The following KCNB2 variants were observed in gnomAD, a reference collection of about 807,000 sequenced individuals.
KCNB2 encodes the protein delayed rectifier potassium channel protein.
Under a neutral mutation model 61.5 loss-of-function variants are expected in KCNB2, and 15 were observed. The ratio of observed to expected loss-of-function variants is 0.24; its 90% CI spans 0.16 to 0.38. The LOEUF is 0.38. Ranked by LOEUF, KCNB2 falls within the 10% of genes least tolerant of loss-of-function variation. The pLI is 1.00. For missense variants in KCNB2, 828 were observed against 1,125.2 expected, an observed-to-expected ratio of 0.74 and a Z score of 3.78; for synonymous variants, 457 against 446.0, an observed-to-expected ratio of 1.02 and a Z score of -0.31.
chr8:72,615,284 ATGT>A (rs1805599829), intron 2 of KCNB2, among the ~76,000 whole-genome samples: 1 of 152,186 alleles, frequency 6.6e-6, no homozygotes, highest in Non-Finnish European at 1.5e-5. Context: ...ATGAAACAAG[ATGT>A]TGTGTGTGAA....
At chr8:72,776,741 G>A (rs191872877) in intron 2 of KCNB2, among the ~76,000 whole-genome samples, 1 of 152,320 alleles carries the variant, frequency 6.6e-6, no homozygotes, top group East Asian at 1.9e-4. Context: ...TCGGCATGCA[G>A]TATCCAGGTG....
At chr8:72,683,288 T>G (rs904382772) in intron 2 of KCNB2, among the ~76,000 whole-genome samples, 2 of 152,224 alleles carry the variant, frequency 1.3e-5, no homozygotes, top group Non-Finnish European at 2.9e-5. Context: ...AGGTTTTGAT[T>G]ATTCATGCAT....
intron 2 of KCNB2, among the ~76,000 whole-genome samples, chr8:72,752,575 C>T (rs1282277149): frequency 3.3e-5 from 5 of 152,278 alleles, no homozygotes; most frequent in Middle Eastern, 3.4e-3. Flanking sequence ...CTCAGGCCTT[C>T]GGGCTCATAC....
Position 72,859,012 on chromosome 8 carries a change from A to G in KCNB2, c.580-76923A>G, listed in dbSNP as rs193175897. Among the ~76,000 whole-genome samples, 16 of 152,326 alleles carry G rather than the reference A, an allele frequency of 1.1e-4. No individual in the cohort carries two copies. The East Asian group carries it at 3.1e-3, about 29-fold the overall frequency. On this transcript the variant is annotated intron_variant, in intron 2 of 2. Coordinates refer to ENST00000523207, the MANE Select transcript of KCNB2 (RefSeq NM_004770.3). Reference sequence around the variant, plus strand: ...AATATAGGATTACACAAATTCTAAGATGATTGCTCCTGCAAAATGTCCTCA... The same window carrying G: ...AATATAGGATTACACAAATTCTAAGGTGATTGCTCCTGCAAAATGTCCTCA...
At chr8:72,858,642 A>G (rs931812525) in intron 2 of KCNB2, among the ~76,000 whole-genome samples, 19 of 152,236 alleles carry the variant, frequency 1.2e-4, no homozygotes, top group Non-Finnish European at 2.5e-4. Flanking sequence ...CCTCTCATAC[A>G]ATGAAGAATA....
In KCNB2 at chr8:72,622,881, C is replaced by T. The variant is rs1214307068; in HGVS notation, c.579+54568C>T. Reference sequence around the variant, plus strand: ...TAGTAAAGCTCTGAGAGCCCCCAGACACCAGCACTTCTGTTTGGGATCTGT... The same window carrying T: ...TAGTAAAGCTCTGAGAGCCCCCAGATACCAGCACTTCTGTTTGGGATCTGT... On this transcript the variant is annotated intron_variant, in intron 2 of 2. Transcript: ENST00000523207. 3.9e-5 allele frequency among the ~76,000 whole-genome samples: 6 copies of T among 152,292 alleles called. No individual in the cohort carries two copies. The East Asian group carries it at 1.2e-3, about 29-fold the overall frequency.
intron 2 of KCNB2, among the ~76,000 whole-genome samples, chr8:72,867,437 C>T (rs1258311168): frequency 1.3e-5 from 2 of 152,108 alleles, no homozygotes; most frequent in Non-Finnish European, 2.9e-5. Context: ...TGCTTAAGCC[C>T]AGGAGTTCAA....
At chr8:72,561,707 A>ATG (rs1563523332) in intron 1 of KCNB2, among the ~76,000 whole-genome samples, 2 of 31,788 alleles carry the variant, frequency 6.3e-5, no homozygotes, top group Non-Finnish European at 1.0e-4. Flanking sequence ...ATATATATAT[A>ATG]TATATATATA....
intron 2 of KCNB2, among the ~76,000 whole-genome samples, chr8:72,713,906 C>T (rs1236758747): frequency 1.3e-5 from 2 of 152,000 alleles, no homozygotes; most frequent in African/African-American, 4.8e-5. Context: ...AAGTTAAAAA[C>T]TTTGAAAAAA....
chr8:72,658,131 T>C (rs1005093755), intron 2 of KCNB2, among the ~76,000 whole-genome samples: 1 of 152,120 alleles, frequency 6.6e-6, no homozygotes. Flanking sequence ...GTAAGAAAGG[T>C]ATGTCAAAGC....
chr8:72,580,761 A>G (rs547519732), intron 2 of KCNB2, among the ~76,000 whole-genome samples: 13 of 152,290 alleles, frequency 8.5e-5, no homozygotes, highest in Middle Eastern at 3.4e-3. Flanking sequence ...ATGCACTGCT[A>G]TGATCTAGAC....
intron 2 of KCNB2, among the ~76,000 whole-genome samples, chr8:72,673,481 C>A (rs1373388360): frequency 6.6e-6 from 1 of 152,154 alleles, no homozygotes; most frequent in East Asian, 1.9e-4. Flanking sequence ...GAGGCCTCCC[C>A]AGCCATGAGG....
At chr8:72,706,662 A>G (rs1176188322) in intron 2 of KCNB2, among the ~76,000 whole-genome samples, 1 of 152,248 alleles carries the variant, frequency 6.6e-6, no homozygotes, top group Non-Finnish European at 1.5e-5. Context: ...AGGAAAATAA[A>G]CATGACTGGT....
intron 2 of KCNB2, among the ~76,000 whole-genome samples, chr8:72,819,562 G>A (rs1049637272): frequency 1.3e-5 from 2 of 152,102 alleles, no homozygotes; most frequent in Non-Finnish European, 2.9e-5. Flanking sequence ...GAATCAATAG[G>A]AATGTGATAA....
chr8:72,853,615 TG>T (rs1810157160), intron 2 of KCNB2, among the ~76,000 whole-genome samples: 1 of 152,254 alleles, frequency 6.6e-6, no homozygotes, highest in African/African-American at 2.4e-5. Context: ...ATGATATTAT[TG>T]TGAGAATTAA....
chr8:72,609,260 A>T (rs905930622), intron 2 of KCNB2, among the ~76,000 whole-genome samples: 11 of 152,230 alleles, frequency 7.2e-5, no homozygotes, highest in African/African-American at 2.7e-4. Flanking sequence ...TCATCAGTGC[A>T]TGTAGCACAT....
At chr8:72,781,337 T>C (rs1808751431) in intron 2 of KCNB2, among the ~76,000 whole-genome samples, 1 of 152,206 alleles carries the variant, frequency 6.6e-6, no homozygotes, top group African/African-American at 2.4e-5. Context: ...CTAGGGTTTT[T>C]AAAGTTTTGG....
chr8:72,673,420 T>C (rs1353713593), intron 2 of KCNB2, among the ~76,000 whole-genome samples: 1 of 152,216 alleles, frequency 6.6e-6, no homozygotes. Flanking sequence ...CCTGCCACCA[T>C]GTGAAGAAAA....
At chr8:72,679,699 A>G (rs1327118234) in intron 2 of KCNB2, among the ~76,000 whole-genome samples, 1 of 152,244 alleles carries the variant, frequency 6.6e-6, no homozygotes, top group East Asian at 1.9e-4. Flanking sequence ...AGGAAACTGA[A>G]GATGAACCAT....
Sources: allele counts gnomAD v4.1 joint callset (sites outside exome capture counted in the v4.1 genomes callset), GRCh38; gene constraint gnomAD v4.1.1; transcripts MANE v1.5; gene names NCBI Gene and HGNC (gene_info 2026-07-23, HGNC 2026-07-21).